SLC6A5: variants seen among roughly 807,000 people sequenced by gnomAD.
SLC6A5 encodes the protein sodium- and chloride-dependent glycine transporter 2.
SLC6A5 carries 58 observed loss-of-function variants against 90.5 expected under a neutral mutation model. That is an observed-to-expected ratio of 0.64 (90% CI 0.52 to 0.80). The LOEUF is 0.80. Ranked by LOEUF, SLC6A5 falls within the 30% of genes least tolerant of loss-of-function variation. The pLI is 0.00. For synonymous variants in SLC6A5, 427 were observed against 401.4 expected (o/e 1.06, Z -0.76); for missense variants, 1,015 against 1,017.6 (o/e 1.00, Z 0.03).
At chr11:20,599,781 G>C (rs1852422760) in intron 1 of SLC6A5, 106 bp downstream of exon 1, 2 of 1,318,992 alleles carry the variant, frequency 1.5e-6, no homozygotes, top group Non-Finnish European at 2.2e-6. Context: ...ATTGGGTGGG[G>C]GGAAAGGGGG....
chr11:20,635,112 C>G (rs1483014424), intron 10 of SLC6A5, among the ~76,000 whole-genome samples: 1 of 152,122 alleles, frequency 6.6e-6, no homozygotes, highest in East Asian at 1.9e-4. Flanking sequence ...GAACCGCTAA[C>G]TTCCAAGTTC....
intron 15 of SLC6A5, among the ~76,000 whole-genome samples, chr11:20,653,845 G>T (rs1475192712): frequency 6.6e-6 from 1 of 152,100 alleles, no homozygotes; most frequent in Non-Finnish European, 1.5e-5. Context: ...TTTTGTCTTA[G>T]GCTAAAATTC....
intron 1 of SLC6A5, among the ~76,000 whole-genome samples, chr11:20,600,792 A>G (rs1278417037): frequency 6.6e-6 from 1 of 152,214 alleles, no homozygotes; most frequent in Non-Finnish European, 1.5e-5. Flanking sequence ...GGGCACCCAC[A>G]GCTGTGATGT....
chr11:20,615,824 T>C (rs1183463897), intron 6 of SLC6A5, among the ~76,000 whole-genome samples: 1 of 145,386 alleles, frequency 6.9e-6, no homozygotes, highest in Non-Finnish European at 1.5e-5. Flanking sequence ...AATGAGATGA[T>C]AGGGAGGGGG....
At chr11:20,631,343 T>A (rs1053827839) in intron 10 of SLC6A5, among the ~76,000 whole-genome samples, 1 of 152,170 alleles carries the variant, frequency 6.6e-6, no homozygotes, top group African/African-American at 2.4e-5. Context: ...GACCTGCAGT[T>A]TTTTTCCCCA....
intron 2 of SLC6A5, 80 bp from the exon 3 acceptor site, chr11:20,604,206 C>T: frequency 1.3e-6 from 2 of 1,522,584 alleles, no homozygotes; most frequent in South Asian, 2.6e-5. Context: ...GGAAGGACCC[C>T]TAGCGGGGGG....
chr11:20,600,656 G>A (rs761829955), intron 1 of SLC6A5, among the ~76,000 whole-genome samples: 7 of 152,192 alleles, frequency 4.6e-5, no homozygotes, highest in Non-Finnish European at 7.3e-5. Context: ...AGCGCTCGCA[G>A]GTGCCAGGGC....
intron 5 of SLC6A5, among the ~76,000 whole-genome samples, chr11:20,611,899 G>T (rs1852701291): frequency 6.6e-6 from 1 of 151,804 alleles, no homozygotes; most frequent in Non-Finnish European, 1.5e-5. Flanking sequence ...AGGGGTATTG[G>T]TCCTTTGGAA....
At chr11:20,600,506 C>G (rs973061819) in intron 1 of SLC6A5, among the ~76,000 whole-genome samples, 6 of 152,182 alleles carry the variant, frequency 3.9e-5, no homozygotes, top group Middle Eastern at 3.2e-3. Context: ...AATCTAGTTA[C>G]TACTCTGTGT....
chr11:20,601,769 T>A, intron 2 of SLC6A5, 104 bp downstream of exon 2: 2 of 1,247,068 alleles, frequency 1.6e-6, no homozygotes, highest in South Asian at 2.6e-5. Flanking sequence ...GGGAAACCGG[T>A]TGGCAGTGCC....
At chr11:20,629,404 T>G (rs1223625348) in intron 9 of SLC6A5, among the ~76,000 whole-genome samples, 1 of 152,184 alleles carries the variant, frequency 6.6e-6, no homozygotes, top group Non-Finnish European at 1.5e-5. Context: ...ATGAACAGAT[T>G]TACCTCTGCC....
At chr11:20,640,698 A>T (rs1590177249) in intron 13 of SLC6A5, among the ~76,000 whole-genome samples, 1 of 1,508 alleles carries the variant, frequency 6.6e-4, no homozygotes, top group Non-Finnish European at 3.9e-3. Context: ...TGTTTGAGGT[A>T]AAAAAAAAAA....
At position 20,609,405 on chromosome 11, in the gene SLC6A5, G is replaced by T. The variant is rs1852653026; in HGVS notation, c.985+1753G>T. 2.0e-5 allele frequency among the ~76,000 whole-genome samples: 3 copies of T among 151,972 alleles called. No homozygotes were observed. In the South Asian group the frequency reaches 6.2e-4, roughly 32 times the overall value. On this transcript the variant is annotated intron_variant, in intron 5 of 15. Coordinates refer to ENST00000525748, the MANE Select transcript of SLC6A5 (RefSeq NM_004211.5). ...GAGTGTGTTCTGTTCCTGGCGCCAG[G>T]CTATCCCTTGCAGGTGTATTGGTCC... is the stretch of plus-strand genomic sequence containing the variant.
intron 1 of SLC6A5, 110 bp from the exon 2 acceptor site, chr11:20,601,019 C>T (rs2133767386): frequency 9.3e-7 from 1 of 1,080,216 alleles, no homozygotes; most frequent in Middle Eastern, 2.3e-4. Flanking sequence ...CAATTTGCTT[C>T]CCCAGATATT....
chr11:20,624,454 C>G (rs1239840824), intron 7 of SLC6A5, among the ~76,000 whole-genome samples: 1 of 151,650 alleles, frequency 6.6e-6, no homozygotes, highest in East Asian at 1.9e-4. Flanking sequence ...TCCCGGCCCC[C>G]AAGAGTTATT....
rs1853198984 is a variant in SLC6A5, at chr11:20,636,036, AGAGTTGCCTCT to A, written c.1625-266_1625-256del. On this transcript the variant is annotated intron_variant, in intron 10 of 15. Coordinates refer to ENST00000525748, the MANE Select transcript of SLC6A5 (RefSeq NM_004211.5). Reference sequence around the variant, plus strand: ...ACACAGCCTAGCCGTGGAGTCCAGTAGAGTTGCCTCTGAGTCTCTGCTTAGACACTATTTTT... The same window carrying A: ...ACACAGCCTAGCCGTGGAGTCCAGTAGAGTCTCTGCTTAGACACTATTTTT... 2.0e-5 allele frequency among the ~76,000 whole-genome samples: 3 copies of A among 152,336 alleles called. No individual in the cohort carries two copies. In the South Asian group the frequency reaches 6.2e-4, roughly 32 times the overall value.
At position 20,652,208 on chromosome 11, in the gene SLC6A5, C is replaced by A. The variant is rs543628965; in HGVS notation, c.2071-81C>A. On this transcript the variant is annotated intron_variant, in intron 14 of 15. Coordinates refer to ENST00000525748, the MANE Select transcript of SLC6A5 (RefSeq NM_004211.5). Reference sequence around the variant, plus strand: ...ATAATAGAGACGAAAGCATCAAACTCATAACGGGGGTTTAATAGTGTTGAG... The same window carrying A: ...ATAATAGAGACGAAAGCATCAAACTAATAACGGGGGTTTAATAGTGTTGAG... 2.3e-6 allele frequency: 3 copies of A among 1,291,028 alleles called. No individual in the cohort carries two copies. In the African/African-American group the frequency reaches 4.3e-5, roughly 19 times the overall value. The allele number at this position is 1,291,028 out of a possible 1,614,324, so 80.0% of individuals were successfully genotyped here. A position where few individuals can be genotyped will look rare whatever the true frequency, so the allele number is the denominator to read the frequency against.
At position 20,654,900 on chromosome 11, in the gene SLC6A5, C is replaced by T; in HGVS notation, c.*32C>T. ...GGTGTGGGATGGTCCAGACTTGATC[C>T]TGTTTTTCCTCTCTGCCTCCTCCTA... is the stretch of plus-strand genomic sequence containing the variant. On this transcript the variant is annotated 3_prime_UTR_variant, in exon 16 of 16. Transcript: ENST00000525748. 2 of 1,609,122 alleles carry T rather than the reference C, an allele frequency of 1.2e-6. No individual in the cohort carries two copies. Among genetic ancestry groups the T allele is most frequent in the Non-Finnish European group, 1.7e-6 (2 of 1,175,412 alleles).
At chr11:20,627,813 T>C (rs1853027768) in intron 8 of SLC6A5, among the ~76,000 whole-genome samples, 167 bp from the exon 9 acceptor site, 1 of 152,152 alleles carries the variant, frequency 6.6e-6, no homozygotes, top group Non-Finnish European at 1.5e-5. Flanking sequence ...ACTATGCCTT[T>C]GGTTTCCAGC....
Sources: gnomAD v4.1 joint callset for allele counts (sites outside exome capture counted in the v4.1 genomes callset) on GRCh38, gnomAD v4.1.1 for gene constraint, MANE v1.5 for transcripts, NCBI Gene and HGNC (gene_info 2026-07-23, HGNC 2026-07-21) for gene names.